The following OSR1 variants were observed in gnomAD, a reference collection of about 807,000 sequenced individuals.
OSR1 encodes protein odd-skipped-related 1.
A neutral mutation model predicts 15.7 loss-of-function variants in OSR1; 3 were observed. The observed-to-expected ratio is 0.19, with a 90% CI of 0.09 to 0.50. OSR1 has a LOEUF of 0.50. Among genes scored for constraint, OSR1 ranks in the 20% least tolerant of loss-of-function variants. The pLI is 0.97. For synonymous variants in OSR1, 166 were observed against 152.7 expected (o/e 1.09, Z -0.64); for missense variants, 271 against 351.1 (o/e 0.77, Z 1.82).
chr2:19,351,318 C>T (rs1664834885), downstream of OSR1, among the ~76,000 whole-genome samples: 1 of 151,978 alleles, frequency 6.6e-6, no homozygotes, highest in Non-Finnish European at 1.5e-5. Flanking sequence ...CGGAGGCAGA[C>T]CTAACCGGGA....
At chr2:19,347,891 A>G (rs940535167), downstream of OSR1, among the ~76,000 whole-genome samples, 3 of 152,194 alleles carry the variant, frequency 2.0e-5, no homozygotes, top group Admixed American at 1.3e-4. Context: ...CTGCCCACAC[A>G]TACGCCAACG....
At chr2:19,356,209 C>T (rs984260049) in intron 1 of OSR1, 9 of 152,648 alleles carry the variant, frequency 5.9e-5, no homozygotes, top group African/African-American at 1.7e-4. Flanking sequence ...TCGCCTTCTT[C>T]CTTAGAGCCA....
rs766022107 is a variant in OSR1 at position 19,352,316 on chromosome 2, A to T, written c.760T>A (p.Ser254Thr). Residue 254 changes from serine (S) to threonine (T), a missense_variant, in exon 3 of 3, where the codon TCA becomes ACA. This residue lies in a region of OSR1 where 21 missense variants were observed against 24.3 expected (regional missense o/e 0.86). Coordinates refer to ENST00000272223, the MANE Select transcript of OSR1 (RefSeq NM_145260.3). ...RTLAVHKTLHSQVKELKTSKI... is the reference protein window; with the variant it reads ...RTLAVHKTLHTQVKELKTSKI... ...GAGGTTTTGAGCTCCTTCACCTGTG[A>T]GTGTAGCGTCTTGTGGACAGCGAGA... 6.2e-7 allele frequency: 1 copy of T among 1,614,202 alleles called. No homozygotes were observed. The highest frequency in any genetic ancestry group is 1.1e-5 in the South Asian group (1 of 91,086).
chr2:19,354,006 G>A, intron 1 of OSR1, 169 bp from the exon 2 acceptor site: 1 of 599,626 alleles, frequency 1.7e-6, no homozygotes, highest in Non-Finnish European at 2.9e-6. Context: ...AAGAGGGTGG[G>A]AATGTAAGAC....
chr2:19,355,520 A>C (rs1664930834), intron 1 of OSR1: 1 of 152,320 alleles, frequency 6.6e-6, no homozygotes, highest in Non-Finnish European at 1.5e-5. Flanking sequence ...ATGTTGACCC[A>C]GGAAAACCTT....
rs771145767 is a variant in OSR1, at chr2:19,357,320, A to C, written c.-33+1021T>G. Reference sequence around the variant, plus strand: ...CACGTGGTTTTGTTCCGCAGAGCCAATGCGCAGCTCTTAGCCTGGGTGAAA... The same window carrying C: ...CACGTGGTTTTGTTCCGCAGAGCCACTGCGCAGCTCTTAGCCTGGGTGAAA... On this transcript the variant is annotated intron_variant, in intron 1 of 2. Transcript: ENST00000272223. The surrounding 1 kb of genome is among the most constrained non-coding windows in gnomAD (Gnocchi z 5.0). 1.3e-5 allele frequency among the ~76,000 whole-genome samples: 2 copies of C among 152,146 alleles called. No homozygotes were observed. The highest frequency in any genetic ancestry group is 2.9e-5 in the Non-Finnish European group (2 of 68,022).
At position 19,354,034 on chromosome 2, in the gene OSR1, T is replaced by G. The variant is rs968081237; in HGVS notation, c.-32-197A>C. ...TGTAAGACGCAGGGGAGCCCTCTTT[T>G]CAGAACCCTCCTTGGTCTAAGGGCT... On this transcript the variant is annotated intron_variant, in intron 1 of 2. Transcript: ENST00000272223. 3 of 559,036 alleles carry G rather than the reference T, an allele frequency of 5.4e-6. No homozygotes were observed. In the African/African-American group the frequency reaches 5.6e-5, roughly 10 times the overall value. 34.6% of individuals were successfully genotyped at this position (559,036 alleles called of 1,614,324 possible). A position where few individuals can be genotyped will look rare whatever the true frequency, so the allele number is the denominator to read the frequency against.
rs543465303 is a variant in OSR1, at chr2:19,357,029, G to C, written c.-33+1312C>G. The C allele has an allele frequency of 6.6e-6, 1 of 152,106 alleles. No individual in the cohort carries two copies. The highest frequency in any genetic ancestry group is 2.4e-5 in the African/African-American group (1 of 41,398). 9.4% of individuals were successfully genotyped at this position (152,106 alleles called of 1,614,324 possible). The stretch of plus-strand genomic sequence containing the variant: ...CTCCAACGAGTGGTGACAGGCGTCC[G>C]GACCCCCGTGAAGAGGACTGACCGG... On this transcript the variant is annotated intron_variant, in intron 1 of 2. Transcript: ENST00000272223. The surrounding 1 kb of genome is among the most constrained non-coding windows in gnomAD (Gnocchi z 5.0).
intron 1 of OSR1, chr2:19,354,389 TCACACA>T (rs5829692): frequency 3.2e-3 from 474 of 146,440 alleles, no homozygotes; most frequent in African/African-American, 8.9e-3. Flanking sequence ...CCCCTGAATC[TCACACA>T]CACACACACA....
chr2:19,352,845 C>T (rs148193949), intron 2 of OSR1, among the ~76,000 whole-genome samples: 2 of 152,330 alleles, frequency 1.3e-5, no homozygotes, highest in East Asian at 3.9e-4. Flanking sequence ...TTAACTGTCA[C>T]ATGTGTCACA....
At chr2:19,349,870 TAAAG>T (rs1664803558), downstream of OSR1, among the ~76,000 whole-genome samples, 2 of 152,116 alleles carry the variant, frequency 1.3e-5, no homozygotes, top group Non-Finnish European at 2.9e-5. Context: ...TGGGGCTTCA[TAAAG>T]AAACCAAGGA....
At chr2:19,344,922 T>C in the OSR1 span, among the ~76,000 whole-genome samples, 98 of 152,256 alleles carry the variant, frequency 6.4e-4, no homozygotes, top group African/African-American at 2.2e-3. Context: ...AAAAGGGGCA[T>C]TAAAACAGTT....
At chr2:19,345,688 A>G in the OSR1 span, among the ~76,000 whole-genome samples, 15 of 152,164 alleles carry the variant, frequency 9.9e-5, no homozygotes, top group Admixed American at 9.2e-4. Flanking sequence ...TCAGTGTCCA[A>G]TGATCTCTCC....
chr2:19,347,928 GC>G (rs1664760315), downstream of OSR1, among the ~76,000 whole-genome samples: 1 of 152,374 alleles, frequency 6.6e-6, no homozygotes, highest in South Asian at 2.1e-4. Context: ...GGGCCAGTGT[GC>G]CCCTGAGTTT....
chr2:19,352,648 T>C (rs536482537), intron 2 of OSR1, among the ~76,000 whole-genome samples: 1 of 152,226 alleles, frequency 6.6e-6, no homozygotes, highest in South Asian at 2.1e-4. Context: ...GCCTTCCTGG[T>C]GGGCAGGAGG....
At chr2:19,349,226 A>G (rs1558357975), downstream of OSR1, among the ~76,000 whole-genome samples, 1 of 152,186 alleles carries the variant, frequency 6.6e-6, no homozygotes, top group Non-Finnish European at 1.5e-5. Context: ...TTCCAACCAC[A>G]TCAACCAACC....
Position 19,352,178 on chromosome 2 carries a change from G to T in OSR1, c.*97C>A. 7.1e-7 allele frequency: 1 copy of T among 1,398,760 alleles called. No individual in the cohort carries two copies. The highest frequency in any genetic ancestry group is 9.8e-7 in the Non-Finnish European group (1 of 1,021,814). 86.6% of individuals were successfully genotyped at this position (1,398,760 alleles called of 1,614,324 possible). On this transcript the variant is annotated 3_prime_UTR_variant, in exon 3 of 3. Coordinates refer to ENST00000272223, the MANE Select transcript of OSR1 (RefSeq NM_145260.3). Reference sequence around the variant, plus strand: ...ATGTTGGAGAGGTGGAAGGTCCCGAGCGAGCGCCTCTCCCGCTGCCCGCCA... The same window carrying T: ...ATGTTGGAGAGGTGGAAGGTCCCGATCGAGCGCCTCTCCCGCTGCCCGCCA...
chr2:19,349,892 G>A (rs1366141137), downstream of OSR1, among the ~76,000 whole-genome samples: 1 of 152,162 alleles, frequency 6.6e-6, no homozygotes, highest in Non-Finnish European at 1.5e-5. Flanking sequence ...GGAAGATTCT[G>A]CAGTTGACCC....
In OSR1 at chr2:19,351,515, T is replaced by TA. The variant is rs35504248; in HGVS notation, c.*759dup. 1,520 of 146,814 alleles carry TA rather than the reference T, an allele frequency of 0.01. 7 individuals are homozygous for TA. The highest frequency in any genetic ancestry group is 0.048 in the Middle Eastern group (13 of 272). The allele number at this position is 146,814 out of a possible 1,614,324, so 9.1% of individuals were successfully genotyped here. A position where few individuals can be genotyped will look rare whatever the true frequency, so the allele number is the denominator to read the frequency against. On this transcript the variant is annotated 3_prime_UTR_variant, in exon 3 of 3. Coordinates refer to ENST00000272223, the MANE Select transcript of OSR1 (RefSeq NM_145260.3). ...GTAAAATAACCGTTTATTTAATAGT[T>TA]AAAAAAAAAAAAAACTCCAGTGATA...
Sources: allele counts gnomAD v4.1 joint callset (sites outside exome capture counted in the v4.1 genomes callset), GRCh38; gene constraint gnomAD v4.1.1; regional missense constraint gnomAD v4.1.1; non-coding constraint Gnocchi (gnomAD v3.1); transcripts MANE v1.5; gene names NCBI Gene and HGNC (gene_info 2026-07-23, HGNC 2026-07-21).